GAK: variants seen among roughly 807,000 people sequenced by gnomAD.
GAK encodes cyclin G associated kinase, also known as cyclin-G-associated kinase.
In GAK, 79 loss-of-function variants were observed where a neutral mutation model predicts 143.9. The ratio of observed to expected loss-of-function variants is 0.55; its 90% CI spans 0.46 to 0.66. The LOEUF (loss-of-function observed/expected upper bound fraction) is 0.66, where lower values mean the gene tolerates loss of function less well. GAK is among the 30% of genes least tolerant of loss of function. GAK has a pLI of 0.00. For missense variants in GAK, 1,693 were observed against 1,779.7 expected, an observed-to-expected ratio of 0.95 and a Z score of 0.88; for synonymous variants, 881 against 765.5, an observed-to-expected ratio of 1.15 and a Z score of -2.49.
chr4:854,423 A>C (rs1223738324), intron 24 of GAK, among the ~76,000 whole-genome samples: 1 of 152,026 alleles, frequency 6.6e-6, no homozygotes, highest in Non-Finnish European at 1.5e-5. Context: ...CTGTCCTCTT[A>C]TGGGTGTGGT....
intron 1 of GAK, among the ~76,000 whole-genome samples, chr4:920,544 T>TTTTTTTTTTTTTTTTG (rs1723758813): frequency 6.9e-6 from 1 of 144,846 alleles, no homozygotes; most frequent in Non-Finnish European, 1.5e-5. Flanking sequence ...GAGCCATTTT[T>TTTTTTTTTTTTTTTTG]TTTTTTTTTT....
Position 896,773 on chromosome 4 carries a change from C to G in GAK, c.652-224G>C, listed in dbSNP as rs181634811. Among the ~76,000 whole-genome samples the G allele has an allele frequency of 6.0e-4, 91 of 152,396 alleles. 1 individual carries two copies. In the South Asian group the frequency reaches 8.5e-3, roughly 14 times the overall value. On this transcript the variant is annotated intron_variant, in intron 6 of 27. Transcript: ENST00000314167. ...CTTACGATGAGGACTGAGTCATTCACCTCCCTCAATCTCCTACGGCCTCCC... is the reference window on the plus strand; with the variant it reads ...CTTACGATGAGGACTGAGTCATTCAGCTCCCTCAATCTCCTACGGCCTCCC...
At chr4:904,844 T>C (rs1470138934) in intron 4 of GAK, 65 bp from the exon 5 acceptor site, 1 of 1,530,120 alleles carries the variant, frequency 6.5e-7, no homozygotes, top group Non-Finnish European at 8.9e-7. Flanking sequence ...AACCTAGGGC[T>C]GTTTCACGCG....
At chr4:851,289 G>T (rs1286717844) in intron 25 of GAK, 1 of 481,814 alleles carries the variant, frequency 2.1e-6, no homozygotes, top group East Asian at 3.9e-5. Flanking sequence ...GTAGAGAGGA[G>T]GTATCACTGT....
At chr4:925,154 G>A (rs1724513852) in intron 1 of GAK, among the ~76,000 whole-genome samples, 4 of 152,148 alleles carry the variant, frequency 2.6e-5, no homozygotes, top group Admixed American at 2.6e-4. Context: ...TACCAAACTC[G>A]CTACTCAGAA....
intron 11 of GAK, 81 bp from the exon 12 acceptor site, chr4:884,167 G>A (rs1436564238): frequency 2.4e-6 from 3 of 1,241,858 alleles, no homozygotes; most frequent in African/African-American, 3.0e-5. Context: ...AGAGCCCGAG[G>A]CCTGGAGAAG....
intron 16 of GAK, 21 bp from the exon 17 acceptor site, chr4:877,228 G>GA: frequency 6.4e-7 from 1 of 1,565,124 alleles, no homozygotes; most frequent in Non-Finnish European, 8.8e-7. Context: ...AATGACAAGA[G>GA]AAAAATTTTA....
chr4:884,993 G>A (rs1715988010), intron 11 of GAK, among the ~76,000 whole-genome samples: 2 of 151,946 alleles, frequency 1.3e-5, no homozygotes, highest in South Asian at 4.1e-4. Context: ...AACCCGCAGA[G>A]CAGGTGCTGA....
intron 17 of GAK, 150 bp downstream of exon 17, chr4:876,940 T>C (rs1191473148): frequency 3.2e-6 from 2 of 621,226 alleles, no homozygotes; most frequent in East Asian, 2.7e-5. Context: ...CAGGGGGCGC[T>C]GTGGGGCAGT....
In GAK at chr4:897,864, G is replaced by A. The variant is rs1392810296; in HGVS notation, c.651+169C>T. The A allele has an allele frequency of 2.4e-5, 15 of 634,176 alleles. No homozygotes were observed. In the East Asian group the frequency reaches 2.7e-4, roughly 11 times the overall value. The allele number at this position is 634,176 out of a possible 1,614,324, so 39.3% of individuals were successfully genotyped here. A position where few individuals can be genotyped will look rare whatever the true frequency, so the allele number is the denominator to read the frequency against. On this transcript the variant is annotated intron_variant, in intron 6 of 27. Transcript: ENST00000314167. ...CTCGGGAGGCAGAGGCAGAAGAATC[G>A]CTTGAACCCAGGAGGCGGAGGTTGC...
intron 7 of GAK, among the ~76,000 whole-genome samples, chr4:895,596 C>A (rs17781499): frequency 0.084 from 12,773 of 152,312 alleles, 790 homozygotes; most frequent in South Asian, 0.19. Context: ...ACGGCTGACC[C>A]GGTCCGTAGG....
intron 5 of GAK, 133 bp from the exon 6 acceptor site, chr4:898,291 G>A: frequency 2.0e-6 from 2 of 976,900 alleles, no homozygotes; most frequent in East Asian, 5.5e-5. Context: ...GCTGCCGGGT[G>A]CCTGCAGCAC....
At chr4:903,157 G>C (rs1335462429) in intron 5 of GAK, among the ~76,000 whole-genome samples, 2 of 152,176 alleles carry the variant, frequency 1.3e-5, no homozygotes, top group Admixed American at 1.3e-4. Flanking sequence ...TGGCGGTGTG[G>C]TGGGCAGGGA....
intron 24 of GAK, among the ~76,000 whole-genome samples, chr4:853,980 TAG>T (rs1235376999): frequency 6.6e-6 from 1 of 152,098 alleles, no homozygotes; most frequent in African/African-American, 2.4e-5. Flanking sequence ...GTATTTTTAG[TAG>T]AGACAGGGTT....
chr4:852,026 C>G, intron 24 of GAK, 52 bp from the exon 25 acceptor site: 1 of 1,412,970 alleles, frequency 7.1e-7, no homozygotes, highest in Non-Finnish European at 9.9e-7. Context: ...TGAGGGGCAA[C>G]TACTGTTTCT....
Position 904,626 on chromosome 4 carries a change from G to A in GAK, c.525+11C>T, listed in dbSNP as rs368487344. 1.5e-5 allele frequency: 23 copies of A among 1,563,686 alleles called. No homozygotes were observed. The Middle Eastern group carries it at 5.9e-4, about 40-fold the overall frequency. On this transcript the variant is annotated intron_variant, in intron 5 of 27. Coordinates refer to ENST00000314167, the MANE Select transcript of GAK (RefSeq NM_005255.4). ...GAGGCCTTGGCAGCCGCGTGTGGAG[G>A]GAGCCACTACCTTGAGGTCCCTGTG... is the stretch of plus-strand genomic sequence containing the variant.
In GAK at chr4:867,100, G is replaced by A; in HGVS notation, c.2728C>T (p.Leu910=). 6 of 1,570,838 alleles carry A rather than the reference G, an allele frequency of 3.8e-6. No homozygotes were observed. Among genetic ancestry groups the A allele is most frequent in the Non-Finnish European group, 4.3e-6 (5 of 1,155,640 alleles). Residue 910 remains leucine (L), a synonymous_variant, in exon 21 of 28, where the codon CTG becomes TTG. Coordinates refer to ENST00000314167, the MANE Select transcript of GAK (RefSeq NM_005255.4). ...GGGGGCCCAAGGAGGCAGCTGAGCAGGTCGGTGTTGCTGGAGGGGGCCTTG... is the reference window on the plus strand; with the variant it reads ...GGGGGCCCAAGGAGGCAGCTGAGCAAGTCGGTGTTGCTGGAGGGGGCCTTG... ...ACKAPSSNTD[L]LSCLLGPPEA...
Position 868,625 on chromosome 4 carries a change from G to A in GAK, c.2309C>T (p.Ser770Phe). The A allele has an allele frequency of 6.3e-7, 1 of 1,577,446 alleles. No individual in the cohort carries two copies. Among genetic ancestry groups the A allele is most frequent in the Non-Finnish European group, 8.6e-7 (1 of 1,162,260 alleles). The change falls in exon 20 of 28, where the codon TCC becomes TTC. Residue 770 changes from serine to phenylalanine, a missense_variant. This residue lies in a region of GAK where 822 missense variants were observed against 788.7 expected (regional missense o/e 1.04). Coordinates refer to ENST00000314167, the MANE Select transcript of GAK (RefSeq NM_005255.4). ...AGAGTCTGTGGGTTCGGCTTCCGGG[G>A]ACCCTGCCCCAGCATCATACTGAGC... Reference protein sequence around the residue: ...STAQYDAGAGSPEAEPTDSDS... With the variant: ...STAQYDAGAGFPEAEPTDSDS...
Position 893,903 on chromosome 4 carries a change from G to T in GAK, c.848C>A (p.Thr283Lys), listed in dbSNP as rs200913305. The T allele has an allele frequency of 1.2e-6, 2 of 1,609,818 alleles. No homozygotes were observed. The highest frequency in any genetic ancestry group is 2.2e-5 in the South Asian group (2 of 90,450). ...GAGGCTGTGGAAGACCGTGTACTGC[G>T]TGTCGTGCGGGGGGATCGAGTACTT... is the stretch of plus-strand genomic sequence containing the variant. ...NGKYSIPPHD[T>K]QYTVFHSLIR... Residue 283 changes from threonine (T) to lysine (K), a missense_variant, in exon 8 of 28, where the codon ACG becomes AAG. This residue lies in a region of GAK where 871 missense variants were observed against 991.0 expected (regional missense o/e 0.88). Coordinates refer to ENST00000314167, the MANE Select transcript of GAK (RefSeq NM_005255.4).
Sources: allele counts gnomAD v4.1 joint callset (sites outside exome capture counted in the v4.1 genomes callset), GRCh38; gene constraint gnomAD v4.1.1; regional missense constraint gnomAD v4.1.1; transcripts MANE v1.5; gene names NCBI Gene and HGNC (gene_info 2026-07-23, HGNC 2026-07-21).